The following RARB variants were observed in gnomAD, a reference collection of about 807,000 sequenced individuals.
RARB encodes the protein retinoic acid receptor beta.
A neutral mutation model predicts 51.9 loss-of-function variants in RARB; 17 were observed. The ratio of observed to expected loss-of-function variants is 0.33; its 90% CI spans 0.22 to 0.49. The LOEUF (loss-of-function observed/expected upper bound fraction) is 0.49. Ranked by LOEUF, RARB falls within the 20% of genes least tolerant of loss-of-function variation. The pLI, the probability that RARB is intolerant of heterozygous loss-of-function variation, is 0.99. For synonymous variants in RARB, 215 were observed against 195.4 expected, an observed-to-expected ratio of 1.10 and a Z score of -0.84; for missense variants, 369 against 550.8, an observed-to-expected ratio of 0.67 and a Z score of 3.30.
At chr3:25,021,654 G>GA (rs547301203) in intron 2 of RARB, among the ~76,000 whole-genome samples, 57 of 149,656 alleles carry the variant, frequency 3.8e-4, no homozygotes, top group South Asian at 1.1e-3. Flanking sequence ...TTTTTTACTG[G>GA]AAAAAAAAAT....
intron 2 of RARB, among the ~76,000 whole-genome samples, chr3:25,002,123 A>G (rs575507346): frequency 1.6e-4 from 24 of 152,286 alleles, no homozygotes; most frequent in African/African-American, 4.6e-4. Context: ...TTGGTTTCAT[A>G]TGGGCTCCTG....
chr3:25,085,961 G>T (rs1256756984), intron 3 of RARB, among the ~76,000 whole-genome samples: 1 of 152,172 alleles, frequency 6.6e-6, no homozygotes, highest in Non-Finnish European at 1.5e-5. Flanking sequence ...GGATGATCTA[G>T]GTTGGAAGAA....
At chr3:25,585,135 T>C (rs1701334754) in intron 5 of RARB, among the ~76,000 whole-genome samples, 1 of 152,170 alleles carries the variant, frequency 6.6e-6, no homozygotes, top group African/African-American at 2.4e-5. Context: ...AGTTGCCTCG[T>C]ATTTACAATG....
chr3:24,866,828 T>A (rs1702857373), intron 2 of RARB, among the ~76,000 whole-genome samples: 1 of 152,148 alleles, frequency 6.6e-6, no homozygotes, highest in African/African-American at 2.4e-5. Flanking sequence ...AGGGTTTTAT[T>A]ATTCAAATCA....
intron 2 of RARB, among the ~76,000 whole-genome samples, chr3:25,012,868 A>T (rs1697427799): frequency 6.6e-6 from 1 of 152,128 alleles, no homozygotes; most frequent in Non-Finnish European, 1.5e-5. Context: ...TAATAAGACC[A>T]ACTCCAGAGG....
At chr3:25,233,148 A>G (rs1039369725) in intron 5 of RARB, among the ~76,000 whole-genome samples, 2 of 151,128 alleles carry the variant, frequency 1.3e-5, no homozygotes, top group African/African-American at 4.9e-5. Flanking sequence ...GCTAATTTAG[A>G]CAGGGTTTCA....
chr3:25,408,262 G>A (rs903470215), intron 5 of RARB, among the ~76,000 whole-genome samples: 2 of 152,110 alleles, frequency 1.3e-5, no homozygotes, highest in Non-Finnish European at 2.9e-5. Context: ...CTGAGACTGG[G>A]TAATTTATAC....
chr3:25,097,309 T>C (rs140483643), intron 3 of RARB, among the ~76,000 whole-genome samples: 24 of 152,130 alleles, frequency 1.6e-4, no homozygotes, highest in African/African-American at 5.8e-4. Context: ...AGAAGCAGCA[T>C]GGTTTAAAAT....
chr3:25,489,883 G>T (rs73046112), intron 2 of RARB, among the ~76,000 whole-genome samples: 12,605 of 152,320 alleles, frequency 0.083, 603 homozygotes, highest in Middle Eastern at 0.17. Context: ...GCTGATCTCA[G>T]TGTGTAGAGG....
chr3:25,581,347 C>T (rs1387592247), intron 5 of RARB, among the ~76,000 whole-genome samples: 2 of 152,194 alleles, frequency 1.3e-5, no homozygotes, highest in African/African-American at 4.8e-5. Context: ...AGTCCCCCAT[C>T]CCACTTTCTC....
chr3:25,047,240 GA>G (rs1698236198), intron 2 of RARB, among the ~76,000 whole-genome samples: 1 of 152,178 alleles, frequency 6.6e-6, no homozygotes, highest in South Asian at 2.1e-4. Flanking sequence ...GTGCCTGGGA[GA>G]TTAGAATGGC....
chr3:25,147,390 C>A (rs1700210230), intron 4 of RARB, among the ~76,000 whole-genome samples: 1 of 152,120 alleles, frequency 6.6e-6, no homozygotes, highest in East Asian at 1.9e-4. Context: ...ATGGCCACAT[C>A]TCTGGGGTGC....
At chr3:25,350,967 C>T (rs1253783252) in intron 5 of RARB, among the ~76,000 whole-genome samples, 1 of 152,174 alleles carries the variant, frequency 6.6e-6, no homozygotes, top group Non-Finnish European at 1.5e-5. Context: ...GTAGAGCCTC[C>T]AGTTCCTTTA....
chr3:24,939,445 T>C (rs1695613138), intron 2 of RARB, among the ~76,000 whole-genome samples: 1 of 152,234 alleles, frequency 6.6e-6, no homozygotes, highest in Non-Finnish European at 1.5e-5. Context: ...ATATAGTCTT[T>C]TTAAATCTAG....
At chr3:25,171,673 A>T (rs373678578) in intron 4 of RARB, among the ~76,000 whole-genome samples, 1 of 134,098 alleles carries the variant, frequency 7.5e-6, no homozygotes, top group South Asian at 2.4e-4. Flanking sequence ...AGCTTTAAAA[A>T]TCAGAATTGT....
At chr3:25,118,997 A>G (rs575653566) in intron 3 of RARB, among the ~76,000 whole-genome samples, 3 of 152,220 alleles carry the variant, frequency 2.0e-5, no homozygotes, top group South Asian at 2.1e-4. Context: ...CATTCCCAGT[A>G]TAAGCTGAAA....
chr3:25,464,978 C>T (rs1365009000), intron 2 of RARB, among the ~76,000 whole-genome samples: 1 of 152,060 alleles, frequency 6.6e-6, no homozygotes, highest in African/African-American at 2.4e-5. Context: ...AAGGTGCTTA[C>T]AGTTTTTTTC....
At chr3:25,322,986 A>G (rs1477973259) in intron 5 of RARB, among the ~76,000 whole-genome samples, 3 of 152,312 alleles carry the variant, frequency 2.0e-5, no homozygotes, top group African/African-American at 7.2e-5. Flanking sequence ...CAGTTTGTCT[A>G]GGCTTCATGT....
chr3:25,297,250 G>C (rs560700258), intron 5 of RARB, among the ~76,000 whole-genome samples: 5 of 152,100 alleles, frequency 3.3e-5, no homozygotes, highest in African/African-American at 9.7e-5. Flanking sequence ...AGGGAATTAA[G>C]GTCTAGATAT....
Sources: gnomAD v4.1 joint callset for allele counts (sites outside exome capture counted in the v4.1 genomes callset) on GRCh38, gnomAD v4.1.1 for gene constraint, MANE v1.5 for transcripts, NCBI Gene and HGNC (gene_info 2026-07-23, HGNC 2026-07-21) for gene names.